The following ANGPT1 variants were observed in gnomAD, a reference collection of about 807,000 sequenced individuals.
ANGPT1 encodes the protein angiopoietin-1.
ANGPT1 carries 17 observed loss-of-function variants against 62.2 expected under a neutral mutation model. That is an observed-to-expected ratio of 0.27 (90% confidence interval 0.19 to 0.41). The LOEUF (loss-of-function observed/expected upper bound fraction) is 0.41, where lower values mean the gene tolerates loss of function less well. Ranked by LOEUF, ANGPT1 falls within the 10% of genes least tolerant of loss-of-function variation. The pLI, the probability that ANGPT1 is intolerant of heterozygous loss-of-function variation, is 1.00. For synonymous variants in ANGPT1, 199 were observed against 198.9 expected (o/e 1.00, Z 0.00); for missense variants, 478 against 594.9 (o/e 0.80, Z 2.04).
chr8:107,293,897 A>T (rs372625912), intron 6 of ANGPT1, 39 bp downstream of exon 6: 61 of 1,545,870 alleles, frequency 3.9e-5, no homozygotes, highest in Non-Finnish European at 5.2e-5. Flanking sequence ...TAACTTCAAG[A>T]TAAAACACCA....
At chr8:107,389,776 AG>A (rs1816799382) in intron 1 of ANGPT1, among the ~76,000 whole-genome samples, 1 of 152,226 alleles carries the variant, frequency 6.6e-6, no homozygotes, top group African/African-American at 2.4e-5. Flanking sequence ...TGTATAGCAC[AG>A]AGTAAATTCA....
intron 7 of ANGPT1, among the ~76,000 whole-genome samples, chr8:107,272,258 G>A (rs1586176167): frequency 1.3e-5 from 2 of 152,070 alleles, no homozygotes; most frequent in South Asian, 4.2e-4. Flanking sequence ...TATGATTAAG[G>A]AAGATAAATT....
intron 1 of ANGPT1, among the ~76,000 whole-genome samples, chr8:107,407,266 A>AT (rs1225840374): frequency 3.0e-4 from 15 of 50,484 alleles, no homozygotes; most frequent in Non-Finnish European, 4.4e-4. Flanking sequence ...AATGTAGACC[A>AT]TGTTTTTTTT....
intron 1 of ANGPT1, among the ~76,000 whole-genome samples, chr8:107,391,448 C>A (rs1175307118): frequency 1.3e-5 from 2 of 152,158 alleles, no homozygotes; most frequent in Non-Finnish European, 2.9e-5. Flanking sequence ...AGGCAGATAA[C>A]CTGAGGTCAG....
intron 2 of ANGPT1, among the ~76,000 whole-genome samples, chr8:107,337,268 T>C (rs1815589579): frequency 6.6e-6 from 1 of 152,180 alleles, no homozygotes; most frequent in African/African-American, 2.4e-5. Flanking sequence ...TCTGAGGAAA[T>C]GAAATGACCC....
chr8:107,340,952 G>A (rs945513592), intron 2 of ANGPT1, among the ~76,000 whole-genome samples: 1 of 152,142 alleles, frequency 6.6e-6, no homozygotes, highest in African/African-American at 2.4e-5. Context: ...GATACATGCA[G>A]AGGGAATGAG....
chr8:107,350,745 G>A (rs1460814717), intron 1 of ANGPT1, among the ~76,000 whole-genome samples: 1 of 152,048 alleles, frequency 6.6e-6, no homozygotes, highest in Non-Finnish European at 1.5e-5. Flanking sequence ...AGGAGTAACT[G>A]CCTTTTAATG....
intron 1 of ANGPT1, among the ~76,000 whole-genome samples, chr8:107,446,571 T>A (rs559618878): frequency 2.6e-5 from 4 of 152,200 alleles, no homozygotes; most frequent in Non-Finnish European, 5.9e-5. Context: ...TGGTAATAGA[T>A]TTTGGCCAGA....
chr8:107,262,964 C>T (rs2514881), intron 8 of ANGPT1, among the ~76,000 whole-genome samples: 133,481 of 152,186 alleles, frequency 0.88, 58,592 homozygotes, highest in Middle Eastern at 0.92. Flanking sequence ...TTTAAATCTA[C>T]TATTTGTTAA....
intron 1 of ANGPT1, among the ~76,000 whole-genome samples, chr8:107,480,503 A>AT (rs1812649757): frequency 6.6e-6 from 1 of 152,200 alleles, no homozygotes; most frequent in South Asian, 2.1e-4. Context: ...TGGATAACTC[A>AT]TTTTAAGGGA....
At chr8:107,478,169 A>C (rs1296307144) in intron 1 of ANGPT1, among the ~76,000 whole-genome samples, 1 of 151,788 alleles carries the variant, frequency 6.6e-6, no homozygotes, top group African/African-American at 2.4e-5. Context: ...TAATATGGTC[A>C]AAATTTCATG....
intron 1 of ANGPT1, among the ~76,000 whole-genome samples, chr8:107,394,809 A>G (rs1816903586): frequency 6.6e-6 from 1 of 152,050 alleles, no homozygotes. Flanking sequence ...TAATTTTTGT[A>G]CTCATTATTT....
intron 1 of ANGPT1, among the ~76,000 whole-genome samples, chr8:107,356,605 G>A (rs1427028709): frequency 6.6e-6 from 1 of 152,150 alleles, no homozygotes; most frequent in African/African-American, 2.4e-5. Flanking sequence ...AGGCAACAGA[G>A]TTAGAGCTTA....
intron 1 of ANGPT1, among the ~76,000 whole-genome samples, chr8:107,491,305 A>G (rs1812947790): frequency 1.3e-5 from 2 of 152,216 alleles, no homozygotes; most frequent in Non-Finnish European, 2.9e-5. Context: ...GGTAGAAGGT[A>G]TACTGCATCA....
intron 1 of ANGPT1, among the ~76,000 whole-genome samples, chr8:107,433,772 A>G (rs991184934): frequency 6.6e-5 from 10 of 152,342 alleles, no homozygotes; most frequent in African/African-American, 2.4e-4. Context: ...TAAAAAAGAT[A>G]CATACACACA....
intron 1 of ANGPT1, among the ~76,000 whole-genome samples, chr8:107,381,437 C>T (rs942439033): frequency 6.6e-6 from 1 of 152,146 alleles, no homozygotes; most frequent in Non-Finnish European, 1.5e-5. Flanking sequence ...TCACTGAACC[C>T]CTGCTTCATA....
intron 1 of ANGPT1, among the ~76,000 whole-genome samples, chr8:107,443,910 C>G (rs1467461909): frequency 6.6e-6 from 1 of 151,692 alleles, no homozygotes; most frequent in African/African-American, 2.4e-5. Context: ...CATGAAGTTA[C>G]CATGCAGACA....
chr8:107,302,164 C>T (rs1483611006), intron 5 of ANGPT1, among the ~76,000 whole-genome samples: 1 of 151,864 alleles, frequency 6.6e-6, no homozygotes, highest in Non-Finnish European at 1.5e-5. Context: ...ACAATCTCTG[C>T]CTTTTAGAAC....
chr8:107,379,329 C>T (rs977295624), intron 1 of ANGPT1, among the ~76,000 whole-genome samples: 5 of 152,118 alleles, frequency 3.3e-5, no homozygotes, highest in African/African-American at 7.2e-5. Context: ...AAAGTCATCA[C>T]GTCTAAGTGT....
Sources: gnomAD v4.1 joint callset for allele counts (sites outside exome capture counted in the v4.1 genomes callset) on GRCh38, gnomAD v4.1.1 for gene constraint, MANE v1.5 for transcripts, NCBI Gene and HGNC (gene_info 2026-07-23, HGNC 2026-07-21) for gene names.